The following VPS13D variants were observed in gnomAD, a reference collection of about 807,000 sequenced individuals.
VPS13D encodes intermembrane lipid transfer protein VPS13D.
In VPS13D, 187 loss-of-function variants were observed where a neutral mutation model predicts 461.9. The ratio of observed to expected loss-of-function variants is 0.40; its 90% CI spans 0.36 to 0.46. The LOEUF is 0.46. Ranked by LOEUF, VPS13D falls within the 20% of genes least tolerant of loss-of-function variation. The pLI is 0.60. For synonymous variants in VPS13D, 1,951 were observed against 1,986.3 expected, an observed-to-expected ratio of 0.98 and a Z score of 0.47; for missense variants, 4,711 against 5,364.9, an observed-to-expected ratio of 0.88 and a Z score of 3.81.
At chr1:12,487,379 G>C (rs1388404562) in intron 67 of VPS13D, among the ~76,000 whole-genome samples, 2 of 152,124 alleles carry the variant, frequency 1.3e-5, no homozygotes, top group African/African-American at 2.4e-5. Context: ...GGGAGGCCGA[G>C]GTGGGCGGAT....
intron 63 of VPS13D, among the ~76,000 whole-genome samples, chr1:12,409,053 T>C (rs1644690738): frequency 1.3e-5 from 2 of 152,200 alleles, no homozygotes; most frequent in Admixed American, 1.3e-4. Context: ...TATTTTTTCT[T>C]CAGCTTTTTG....
Position 12,378,563 on chromosome 1 carries a change from G to T in VPS13D, c.11053G>T (p.Ala3685Ser), listed in dbSNP as rs1044807135. ...CGAGGGGTCTGCCATCTTAGATATTGCTGGTCTCGCTGCAGTGACTGACAA... is the reference window on the plus strand; with the variant it reads ...CGAGGGGTCTGCCATCTTAGATATTTCTGGTCTCGCTGCAGTGACTGACAA... ...STEGSAILDI[A>S]GLAAVTDNRY... The change falls in exon 56 of 70, where the codon GCT becomes TCT. Residue 3685 changes from alanine to serine, a missense_variant. Ala to Ser is a moderately conservative substitution (Grantham distance 99). Coordinates refer to ENST00000620676, the MANE Select transcript of VPS13D (RefSeq NM_015378.4). 17 of 1,600,550 alleles carry T rather than the reference G, an allele frequency of 1.1e-5. 1 individual carries two copies. The highest frequency in any genetic ancestry group is 3.5e-5 in the Admixed American group (2 of 57,902).
intron 29 of VPS13D, among the ~76,000 whole-genome samples, chr1:12,313,671 A>T (rs546663489): frequency 3.3e-5 from 5 of 152,306 alleles, no homozygotes; most frequent in African/African-American, 1.2e-4. Context: ...ATTTGTTCCC[A>T]GTACACTACA....
rs766952194 is a variant in VPS13D, at chr1:12,318,212, G to A, written c.7289G>A (p.Arg2430His). The A allele has an allele frequency of 9.9e-6, 16 of 1,614,062 alleles. No individual in the cohort carries two copies. Among genetic ancestry groups the A allele is most frequent in the East Asian group, 8.9e-5 (4 of 44,882 alleles). Residue 2430 changes from arginine to histidine, a missense_variant, in exon 31 of 70, where the codon CGC (arginine) becomes CAC (histidine). By Grantham distance (29) the Arg-to-His change is conservative (BLOSUM62 0). Coordinates refer to ENST00000620676, the MANE Select transcript of VPS13D (RefSeq NM_015378.4). ...IKKQNHVTPS[R>H]HRNSSSESAI... The stretch of plus-strand genomic sequence containing the variant: ...AAACAAAATCATGTTACTCCTTCTC[G>A]CCACCGTAACTCTAGCAGCGAATCT...
intron 65 of VPS13D, among the ~76,000 whole-genome samples, chr1:12,454,053 C>T (rs762681130): frequency 2.0e-5 from 3 of 152,172 alleles, no homozygotes; most frequent in Non-Finnish European, 4.4e-5. Flanking sequence ...CCTCCTTGGA[C>T]TAGTAGCAGA....
intron 67 of VPS13D, among the ~76,000 whole-genome samples, chr1:12,494,258 A>G (rs914677324): frequency 6.6e-6 from 1 of 152,204 alleles, no homozygotes; most frequent in Admixed American, 6.5e-5. Flanking sequence ...AAACATAATG[A>G]TAGTCAGTGT....
intron 63 of VPS13D, among the ~76,000 whole-genome samples, chr1:12,411,521 GGA>G (rs1393404973): frequency 1.4e-5 from 2 of 145,708 alleles, no homozygotes; most frequent in Admixed American, 6.8e-5. Context: ...AGGGGGAGGA[GGA>G]GAGAGAGATG....
chr1:12,230,811 T>A (rs970370955), intron 1 of VPS13D, among the ~76,000 whole-genome samples: 1 of 151,866 alleles, frequency 6.6e-6, no homozygotes, highest in African/African-American at 2.4e-5. Flanking sequence ...GCCCAGCCAC[T>A]CCTCCTAGGT....
At chr1:12,268,248 GC>G (rs1641332208) in intron 15 of VPS13D, among the ~76,000 whole-genome samples, 1 of 128,976 alleles carries the variant, frequency 7.8e-6, no homozygotes, top group Admixed American at 7.6e-5. Context: ...CCATGCCTGA[GC>G]TTTTTTTTTT....
At chr1:12,395,082 A>G (rs559363535) in intron 60 of VPS13D, among the ~76,000 whole-genome samples, 1 of 152,086 alleles carries the variant, frequency 6.6e-6, no homozygotes, top group South Asian at 2.1e-4. Context: ...CTTTAGGTCT[A>G]GAAGCAAACA....
intron 23 of VPS13D, among the ~76,000 whole-genome samples, chr1:12,292,104 T>C: frequency 6.6e-6 from 1 of 151,456 alleles, no homozygotes; most frequent in East Asian, 1.9e-4. Flanking sequence ...ACCAAAAATA[T>C]AAAAATTAGC....
At chr1:12,428,015 A>T (rs1014701587) in intron 65 of VPS13D, among the ~76,000 whole-genome samples, 1 of 152,250 alleles carries the variant, frequency 6.6e-6, no homozygotes, top group African/African-American at 2.4e-5. Flanking sequence ...GAAACAATGT[A>T]TGACAAGAAT....
intron 69 of VPS13D, among the ~76,000 whole-genome samples, chr1:12,508,106 T>G (rs1333715462): frequency 6.6e-6 from 1 of 152,208 alleles, no homozygotes; most frequent in Non-Finnish European, 1.5e-5. Flanking sequence ...TAGAGCTGGC[T>G]GATGAAGAGG....
intron 65 of VPS13D, among the ~76,000 whole-genome samples, chr1:12,435,965 T>C (rs6541023): frequency 0.21 from 31,190 of 152,120 alleles, 5,578 homozygotes; most frequent in African/African-American, 0.48. Flanking sequence ...GCTCTAACTC[T>C]ACACATCGAG....
intron 63 of VPS13D, among the ~76,000 whole-genome samples, chr1:12,411,842 G>C (rs1430088453): frequency 6.6e-6 from 1 of 152,244 alleles, no homozygotes; most frequent in African/African-American, 2.4e-5. Context: ...CTTTCCACAT[G>C]GTCTCCCATC....
chr1:12,324,327 C>T (rs1392848235), intron 35 of VPS13D, among the ~76,000 whole-genome samples: 8 of 152,054 alleles, frequency 5.3e-5, no homozygotes, highest in Admixed American at 3.9e-4. Flanking sequence ...ACCAACATGG[C>T]GAAACCGCAT....
chr1:12,364,348 A>G lies in VPS13D; in HGVS notation c.10448+1101A>G, dbSNP rs567192644. Among the ~76,000 whole-genome samples the G allele has an allele frequency of 2.0e-5, 3 of 152,286 alleles. No homozygotes were observed. The South Asian group carries it at 6.2e-4, about 32-fold the overall frequency. ...TTGTGACTGGCTTATTTCACTTAGC[A>G]TAATATTGTCAATGTCCATATTAAC... On this transcript the variant is annotated intron_variant, in intron 52 of 69. Transcript: ENST00000620676.
intron 38 of VPS13D, among the ~76,000 whole-genome samples, chr1:12,334,978 AC>A (rs1364901354): frequency 6.6e-6 from 1 of 152,248 alleles, no homozygotes; most frequent in Non-Finnish European, 1.5e-5. Context: ...AAAAAGTATA[AC>A]ATCTTAATTA....
At chr1:12,360,205 G>T (rs903873286) in intron 50 of VPS13D, among the ~76,000 whole-genome samples, 1 of 152,124 alleles carries the variant, frequency 6.6e-6, no homozygotes, top group Non-Finnish European at 1.5e-5. Context: ...AGAGGGAGTG[G>T]GCTAAGATAG....
Sources: allele counts gnomAD v4.1 joint callset (sites outside exome capture counted in the v4.1 genomes callset), GRCh38; gene constraint gnomAD v4.1.1; transcripts MANE v1.5; gene names NCBI Gene and HGNC (gene_info 2026-07-23, HGNC 2026-07-21).